The following MYH9 variants were observed in gnomAD, a reference collection of about 807,000 sequenced individuals.
MYH9 encodes myosin heavy chain 9.
MYH9 carries 29 observed loss-of-function variants against 241.9 expected under a neutral mutation model. That is an observed-to-expected ratio of 0.12 (90% confidence interval 0.09 to 0.16). The LOEUF (loss-of-function observed/expected upper bound fraction) is 0.16. MYH9 is among the 10% of genes least tolerant of loss of function. The probability of loss-of-function intolerance (pLI) is 1.00; values close to 1 mark genes in which losing one functional copy is unlikely to be tolerated. For missense variants in MYH9, 1,803 were observed against 2,595.5 expected, an observed-to-expected ratio of 0.69 and a Z score of 6.63; for synonymous variants, 1,047 against 1,062.6, an observed-to-expected ratio of 0.99 and a Z score of 0.29.
Position 36,285,818 on chromosome 22 carries a change from G to A in MYH9, c.5151-37C>T, listed in dbSNP as rs757193127. ...GCGGGAGAAGTGAGGGGCCTACCCT[G>A]GGGACACACCTGGTCCCCCCCAACT... On this transcript the variant is annotated intron_variant, in intron 36 of 40. Transcript: ENST00000216181. The surrounding 1 kb of genome is among the most constrained non-coding windows in gnomAD (Gnocchi z 7.0). The A allele has an allele frequency of 1.9e-6, 3 of 1,612,992 alleles. No individual in the cohort carries two copies. The highest frequency in any genetic ancestry group is 1.3e-5 in the African/African-American group (1 of 74,900).
Position 36,285,034 on chromosome 22 carries a change from G to C in MYH9, c.5483+87C>G. The C allele has an allele frequency of 8.0e-7, 1 of 1,244,978 alleles. No homozygotes were observed. Among genetic ancestry groups the C allele is most frequent in the Non-Finnish European group, 1.1e-6 (1 of 870,470 alleles). The allele number at this position is 1,244,978 out of a possible 1,614,324, so 77.1% of individuals were successfully genotyped here. A position where few individuals can be genotyped will look rare whatever the true frequency, so the allele number is the denominator to read the frequency against. The stretch of plus-strand genomic sequence containing the variant: ...CCCCAGGCTCAGGAGACAGAGAGCT[G>C]GTTGTGGCCCAGATTTGGGCAGGAC... On this transcript the variant is annotated intron_variant, in intron 38 of 40. Coordinates refer to ENST00000216181, the MANE Select transcript of MYH9 (RefSeq NM_002473.6). The surrounding 1 kb of genome is among the most constrained non-coding windows in gnomAD (Gnocchi z 7.0).
chr22:36,347,652 T>C (rs1350001155), intron 2 of MYH9, among the ~76,000 whole-genome samples: 1 of 151,962 alleles, frequency 6.6e-6, no homozygotes, highest in Non-Finnish European at 1.5e-5. Flanking sequence ...GGAGGATCGC[T>C]TGAGCCTAAG....
intron 1 of MYH9, among the ~76,000 whole-genome samples, chr22:36,354,190 C>A (rs184431717): frequency 6.6e-6 from 1 of 152,168 alleles, no homozygotes; most frequent in Admixed American, 6.5e-5. Flanking sequence ...GTGTGAGCCA[C>A]CACACCCAGC....
chr22:36,288,488 C>A lies in MYH9; in HGVS notation c.4771-75G>T. ...CCTGCCCTAGCTCTGAACTCAGGAG[C>A]CTCAGGCCAGTTCTGCAGGATCCAT... On this transcript the variant is annotated intron_variant, in intron 33 of 40. Transcript: ENST00000216181. The surrounding 1 kb of genome is among the most constrained non-coding windows in gnomAD (Gnocchi z 4.8). 1.9e-6 allele frequency: 3 copies of A among 1,582,306 alleles called. No individual in the cohort carries two copies. The highest frequency in any genetic ancestry group is 1.7e-6 in the Non-Finnish European group (2 of 1,164,036).
chr22:36,377,082 A>G (rs944048945), intron 1 of MYH9, among the ~76,000 whole-genome samples: 1 of 151,054 alleles, frequency 6.6e-6, no homozygotes, highest in African/African-American at 2.4e-5. Context: ...AAAAGTGAAG[A>G]CACCAATGAG....
In MYH9 at chr22:36,326,628, G is replaced by A. The variant is rs764398831; in HGVS notation, c.552C>T (p.Thr184=). 10 of 1,614,098 alleles carry A rather than the reference G, an allele frequency of 6.2e-6. No homozygotes were observed. The Admixed American group carries it at 1.3e-4, about 22-fold the overall frequency. Residue 184 remains threonine (T), a synonymous_variant, in exon 5 of 41, where the codon ACC becomes ACT. Transcript: ENST00000216181. The stretch of plus-strand genomic sequence containing the variant: ...ACGCCAGATACTGGATGACCTTCTT[G>A]GTGTTCTCCGTCTTGCCAGCTCCAG... ...GESGAGKTEN[T]KKVIQYLAYV...
chr22:36,341,048 G>A (rs2017579256), intron 3 of MYH9, among the ~76,000 whole-genome samples: 1 of 152,180 alleles, frequency 6.6e-6, no homozygotes, highest in Non-Finnish European at 1.5e-5. Flanking sequence ...ACAAAGGGAA[G>A]GGAAGAACAG....
At position 36,306,385 on chromosome 22, in the gene MYH9, G is replaced by A; in HGVS notation, c.2037+29C>T. 1 of 1,613,348 alleles carries A rather than the reference G, an allele frequency of 6.2e-7. No individual in the cohort carries two copies. Among genetic ancestry groups the A allele is most frequent in the Non-Finnish European group, 8.5e-7 (1 of 1,179,790 alleles). ...TGAGCACCCCACACCACAGTGCCCT[G>A]CCCGGGCCACCCCACCAGGCAGCCG... is the stretch of plus-strand genomic sequence containing the variant. On this transcript the variant is annotated intron_variant, in intron 16 of 40. Coordinates refer to ENST00000216181, the MANE Select transcript of MYH9 (RefSeq NM_002473.6). The surrounding 1 kb of genome is among the most constrained non-coding windows in gnomAD (Gnocchi z 4.1).
At chr22:36,363,247 G>A (rs2017963327) in intron 1 of MYH9, among the ~76,000 whole-genome samples, 1 of 152,200 alleles carries the variant, frequency 6.6e-6, no homozygotes, top group Non-Finnish European at 1.5e-5. Flanking sequence ...CAGAACCATG[G>A]CTTCATTGCC....
At chr22:36,326,961 T>C (rs1040927338) in intron 4 of MYH9, among the ~76,000 whole-genome samples, 23 of 152,236 alleles carry the variant, frequency 1.5e-4, no homozygotes, top group African/African-American at 4.3e-4. Flanking sequence ...GCTGTGGACT[T>C]AGGGGTCAAA....
chr22:36,283,764 G>C lies in MYH9; in HGVS notation c.5765+329C>G, dbSNP rs76523440. Among the ~76,000 whole-genome samples, 643 of 152,298 alleles carry C rather than the reference G, an allele frequency of 4.2e-3. 3 individuals carry two copies. Among genetic ancestry groups the C allele is most frequent in the Non-Finnish European group, 7.3e-3 (498 of 68,014 alleles). On this transcript the variant is annotated intron_variant, in intron 40 of 40. Coordinates refer to ENST00000216181, the MANE Select transcript of MYH9 (RefSeq NM_002473.6). ...CAAAGGAGCGTTTTTAACCTCTGTA[G>C]GCATTGCTCATGAGGCTCACATTCG...
intron 10 of MYH9, among the ~76,000 whole-genome samples, chr22:36,319,196 A>G (rs766284010): frequency 3.3e-5 from 5 of 152,214 alleles, no homozygotes; most frequent in Non-Finnish European, 7.3e-5. Flanking sequence ...CGGGTGTGGC[A>G]AGGACATAAT....
At chr22:36,309,209 G>A (rs961519460) in intron 15 of MYH9, 73 bp downstream of exon 15, 10 of 1,279,118 alleles carry the variant, frequency 7.8e-6, no homozygotes, top group African/African-American at 5.9e-5. Context: ...TTGGCAGCTC[G>A]GCCCACTGTG....
At chr22:36,311,368 T>C (rs1203248308) in intron 14 of MYH9, among the ~76,000 whole-genome samples, 1 of 150,002 alleles carries the variant, frequency 6.7e-6, no homozygotes, top group African/African-American at 2.5e-5. Context: ...TCCCCGCACC[T>C]CCCCCCCCGA....
At chr22:36,332,194 G>A (rs536213580) in intron 3 of MYH9, among the ~76,000 whole-genome samples, 10 of 152,354 alleles carry the variant, frequency 6.6e-5, no homozygotes, top group East Asian at 5.8e-4. Context: ...AGAAAGGGCC[G>A]CGACACTCTC....
Position 36,295,930 on chromosome 22 carries a change from C to T in MYH9, c.3273-213G>A, listed in dbSNP as rs996081412. 1.3e-5 allele frequency among the ~76,000 whole-genome samples: 2 copies of T among 152,160 alleles called. No homozygotes were observed. Among genetic ancestry groups the T allele is most frequent in the African/African-American group, 4.8e-5 (2 of 41,438 alleles). On this transcript the variant is annotated intron_variant, in intron 25 of 40. Transcript: ENST00000216181. This position sits in a 1 kb window ranked among gnomAD's most constrained non-coding sequence, Gnocchi z 4.1. ...GAAGCAGAAAACCTCATAGAGGAAT[C>T]GTTTCAATTTCCAAAGTAAGATTCA...
chr22:36,314,083 C>T (rs2017111528), intron 13 of MYH9, 62 bp downstream of exon 13: 15 of 1,555,180 alleles, frequency 9.6e-6, no homozygotes, highest in African/African-American at 1.4e-5. Context: ...AGGTGAGGAG[C>T]GGGTGCCCCG....
chr22:36,310,659 A>G (rs2017046522), intron 14 of MYH9, among the ~76,000 whole-genome samples: 1 of 152,234 alleles, frequency 6.6e-6, no homozygotes, highest in Non-Finnish European at 1.5e-5. Context: ...CCCCAGGCTC[A>G]GACCCTCCCA....
rs1406508310 is a variant in MYH9 at position 36,329,594 on chromosome 22, C to T, written c.491-2106G>A. ...GTGCTGGCAAGTCGTGAGCAGCCAA[C>T]GGCCCAATGCTACCATAAAAGGAAA... On this transcript the variant is annotated intron_variant, in intron 3 of 40. Coordinates refer to ENST00000216181, the MANE Select transcript of MYH9 (RefSeq NM_002473.6). The surrounding 1 kb of genome is among the most constrained non-coding windows in gnomAD (Gnocchi z 4.1). Among the ~76,000 whole-genome samples, 1 of 152,198 alleles carries T rather than the reference C, an allele frequency of 6.6e-6. No homozygotes were observed. Among genetic ancestry groups the T allele is most frequent in the East Asian group, 1.9e-4 (1 of 5,204 alleles).
Sources: gnomAD v4.1 joint callset for allele counts (sites outside exome capture counted in the v4.1 genomes callset) on GRCh38, gnomAD v4.1.1 for gene constraint, Gnocchi (gnomAD v3.1) non-coding constraint, MANE v1.5 for transcripts, NCBI Gene and HGNC (gene_info 2026-07-23, HGNC 2026-07-21) for gene names.